Variants in SLC22A24 observed in about 807,000 individuals in gnomAD.
SLC22A24 encodes solute carrier family 22 member 24.
SLC22A24 carries 53 observed loss-of-function variants against 49.8 expected under a neutral mutation model. That is an observed-to-expected ratio of 1.06 (90% CI 0.85 to 1.34). SLC22A24 has a LOEUF of 1.34. Ranked by LOEUF, SLC22A24 falls within the 40% of genes most tolerant of loss-of-function variation. The pLI is 0.00. For synonymous variants in SLC22A24, 302 were observed against 256.4 expected (o/e 1.18, Z -1.70); for missense variants, 786 against 675.9 (o/e 1.16, Z -1.81).
At chr11:63,084,134 A>T (rs1409305716) in intron 6 of SLC22A24, among the ~76,000 whole-genome samples, 1 of 152,200 alleles carries the variant, frequency 6.6e-6, no homozygotes, top group Non-Finnish European at 1.5e-5. Flanking sequence ...CTGAATGAAT[A>T]TCTAACCTTC....
chr11:63,089,101 C>T (rs572448377), intron 6 of SLC22A24, among the ~76,000 whole-genome samples: 15 of 152,166 alleles, frequency 9.9e-5, no homozygotes, highest in African/African-American at 3.6e-4. Flanking sequence ...TCAAGAAGAG[C>T]AAACCCCAAG....
intron 5 of SLC22A24, among the ~76,000 whole-genome samples, chr11:63,102,691 C>G (rs1395810909): frequency 6.6e-6 from 1 of 152,132 alleles, no homozygotes; most frequent in African/African-American, 2.4e-5. Context: ...CAAACATGTT[C>G]TTTTTCATGA....
intron 4 of SLC22A24, chr11:63,118,620 CAA>C (rs1050070251): frequency 1.3e-5 from 7 of 545,508 alleles, no homozygotes; most frequent in African/African-American, 1.1e-4. Context: ...CATAATATTC[CAA>C]AAGTTAGATA....
chr11:63,122,945 CTATCA>C (rs1489097372), intron 2 of SLC22A24, among the ~76,000 whole-genome samples: 4 of 152,078 alleles, frequency 2.6e-5, no homozygotes, highest in African/African-American at 7.2e-5. Context: ...CTCAAAACAC[CTATCA>C]TTTCTTTGTG....
At chr11:63,122,970 T>C (rs1427287969) in intron 2 of SLC22A24, among the ~76,000 whole-genome samples, 1 of 152,210 alleles carries the variant, frequency 6.6e-6, no homozygotes, top group Non-Finnish European at 1.5e-5. Flanking sequence ...GTTGGAAATA[T>C]TAGATATCCT....
chr11:63,081,297 T>C (rs1178258422), intron 8 of SLC22A24, among the ~76,000 whole-genome samples, 174 bp from the exon 9 acceptor site: 1 of 152,224 alleles, frequency 6.6e-6, no homozygotes. Context: ...TATTTGATAG[T>C]ATAATGTTGG....
chr11:63,135,918 C>T (rs1039336898), intron 1 of SLC22A24, among the ~76,000 whole-genome samples: 5 of 152,146 alleles, frequency 3.3e-5, no homozygotes, highest in Non-Finnish European at 7.3e-5. Flanking sequence ...CAACAATGAC[C>T]AGTTGAGAGC....
chr11:63,138,613 G>C (rs1453415904), intron 1 of SLC22A24, among the ~76,000 whole-genome samples: 1 of 118,602 alleles, frequency 8.4e-6, no homozygotes. Context: ...CTGCACTCCA[G>C]TCTGGGCAAC....
chr11:63,086,641 A>G (rs1263932647), intron 6 of SLC22A24, among the ~76,000 whole-genome samples: 1 of 152,198 alleles, frequency 6.6e-6, no homozygotes, highest in African/African-American at 2.4e-5. Context: ...AAAATAGACA[A>G]TAACTTGAAG....
intron 1 of SLC22A24, among the ~76,000 whole-genome samples, chr11:63,142,308 C>T (rs114570484): frequency 1.4e-3 from 208 of 152,230 alleles, no homozygotes; most frequent in African/African-American, 4.9e-3. Context: ...TCATAGCCTA[C>T]ATCTTAAGAT....
intron 5 of SLC22A24, among the ~76,000 whole-genome samples, chr11:63,100,339 C>A (rs989857618): frequency 6.6e-6 from 1 of 151,676 alleles, no homozygotes; most frequent in African/African-American, 2.4e-5. Context: ...AATAAAATAC[C>A]TAGGAATAAA....
chr11:63,141,583 G>A (rs980502386), intron 1 of SLC22A24, among the ~76,000 whole-genome samples: 1 of 152,174 alleles, frequency 6.6e-6, no homozygotes, highest in African/African-American at 2.4e-5. Context: ...TTCCTGACCT[G>A]TGTTAAGTAA....
At chr11:63,112,114 A>T (rs2087169901) in intron 4 of SLC22A24, among the ~76,000 whole-genome samples, 1 of 152,122 alleles carries the variant, frequency 6.6e-6, no homozygotes, top group Admixed American at 6.5e-5. Flanking sequence ...TGTACCCAGT[A>T]GTCATTCAGG....
chr11:63,112,225 T>C (rs1369690763), intron 4 of SLC22A24, among the ~76,000 whole-genome samples: 1 of 152,220 alleles, frequency 6.6e-6, no homozygotes, highest in Non-Finnish European at 1.5e-5. Flanking sequence ...TAGTTTGTTA[T>C]AATTTCTGTT....
intron 2 of SLC22A24, among the ~76,000 whole-genome samples, chr11:63,130,870 G>A (rs1364720320): frequency 6.6e-6 from 1 of 151,940 alleles, no homozygotes; most frequent in Non-Finnish European, 1.5e-5. Flanking sequence ...TATTGACAGT[G>A]GGGTGTTAAA....
Position 63,118,560 on chromosome 11 carries a change from T to C in SLC22A24, c.830+352A>G, listed in dbSNP as rs2087227800. 1.8e-5 allele frequency: 9 copies of C among 490,420 alleles called. No individual in the cohort carries two copies. In the South Asian group the frequency reaches 3.0e-4, roughly 17 times the overall value. The allele number at this position is 490,420 out of a possible 1,614,324, so 30.4% of individuals were successfully genotyped here. A position where few individuals can be genotyped will look rare whatever the true frequency, so the allele number is the denominator to read the frequency against. On this transcript the variant is annotated intron_variant, in intron 4 of 9. Coordinates refer to ENST00000612278, the MANE Select transcript of SLC22A24 (RefSeq NM_001136506.2). ...GTAGATAAATTTATTGTGTTTTCCT[T>C]ATATTCAATCTCAGTTACAATGACA...
intron 8 of SLC22A24, 140 bp from the exon 9 acceptor site, chr11:63,081,263 C>A (rs987275932): frequency 1.5e-5 from 11 of 729,866 alleles, no homozygotes; most frequent in Non-Finnish European, 2.5e-5. Flanking sequence ...TTAATTGTGA[C>A]ATTTACCTCT....
chr11:63,116,682 T>C (rs1248593259), intron 4 of SLC22A24, among the ~76,000 whole-genome samples: 1 of 152,168 alleles, frequency 6.6e-6, no homozygotes, highest in Non-Finnish European at 1.5e-5. Context: ...ATATACTTTG[T>C]TCCTTTTTCT....
intron 2 of SLC22A24, among the ~76,000 whole-genome samples, chr11:63,129,325 A>T (rs1189246807): frequency 6.6e-6 from 1 of 151,678 alleles, no homozygotes; most frequent in South Asian, 2.1e-4. Context: ...ATTCTGTTCC[A>T]TCGGTCTATA....
Sources: gnomAD v4.1 joint callset for allele counts (sites outside exome capture counted in the v4.1 genomes callset) on GRCh38, gnomAD v4.1.1 for gene constraint, MANE v1.5 for transcripts, NCBI Gene and HGNC (gene_info 2026-07-23, HGNC 2026-07-21) for gene names.